CNTN1: variants seen among roughly 807,000 people sequenced by gnomAD.
CNTN1 encodes the protein contactin 1, also known as contactin-1.
A neutral mutation model predicts 126.4 loss-of-function variants in CNTN1; 38 were observed. The ratio of observed to expected loss-of-function variants is 0.30; its 90% confidence interval spans 0.23 to 0.39. The LOEUF is 0.39. Among genes scored for constraint, CNTN1 ranks in the 10% least tolerant of loss-of-function variants. The pLI is 1.00. For missense variants in CNTN1, 1,009 were observed against 1,248.4 expected, an observed-to-expected ratio of 0.81 and a Z score of 2.89; for synonymous variants, 413 against 422.6, an observed-to-expected ratio of 0.98 and a Z score of 0.28.
At chr12:40,782,723 C>T (rs537409491) in intron 1 of CNTN1, among the ~76,000 whole-genome samples, 19 of 151,940 alleles carry the variant, frequency 1.3e-4, no homozygotes, top group African/African-American at 4.1e-4. Flanking sequence ...ATAACTGATC[C>T]CCTGATTCCA....
At chr12:40,726,392 C>A (rs1942351624) in intron 1 of CNTN1, among the ~76,000 whole-genome samples, 1 of 152,166 alleles carries the variant, frequency 6.6e-6, no homozygotes, top group Admixed American at 6.6e-5. Context: ...TTCTGCATGG[C>A]TGGCAAGACC....
chr12:40,784,725 C>A (rs926470231), intron 1 of CNTN1, among the ~76,000 whole-genome samples: 2 of 152,100 alleles, frequency 1.3e-5, no homozygotes, highest in African/African-American at 4.8e-5. Context: ...ACAGGTTCAA[C>A]AGGGTCGTGT....
At chr12:41,035,922 A>G (rs141289414) in intron 23 of CNTN1, among the ~76,000 whole-genome samples, 38 of 152,290 alleles carry the variant, frequency 2.5e-4, no homozygotes, top group African/African-American at 8.4e-4. Context: ...TGTAAGTTCA[A>G]TAGAAAAATG....
intron 23 of CNTN1, among the ~76,000 whole-genome samples, chr12:41,063,134 G>A (rs1167175992): frequency 6.6e-6 from 1 of 152,178 alleles, no homozygotes; most frequent in African/African-American, 2.4e-5. Flanking sequence ...CCTTGACTGC[G>A]TCCCAGTGGT....
chr12:40,754,183 C>G (rs1938511957), intron 1 of CNTN1, among the ~76,000 whole-genome samples: 1 of 151,594 alleles, frequency 6.6e-6, no homozygotes, highest in Non-Finnish European at 1.5e-5. Context: ...CATAATAGTA[C>G]CTCATTTTTT....
chr12:40,793,949 C>T (rs1397177921), intron 1 of CNTN1, among the ~76,000 whole-genome samples: 4 of 102,026 alleles, frequency 3.9e-5, no homozygotes, highest in Non-Finnish European at 8.3e-5. Context: ...AATGTAAATA[C>T]TAGGGAAGTG....
chr12:40,928,267 C>G (rs1255408913), intron 6 of CNTN1, among the ~76,000 whole-genome samples: 2 of 151,966 alleles, frequency 1.3e-5, no homozygotes, highest in African/African-American at 4.8e-5. Flanking sequence ...CAGAAAAGAT[C>G]AAAGTCTTCT....
At chr12:41,000,202 T>C (rs1566116648) in intron 17 of CNTN1, among the ~76,000 whole-genome samples, 1 of 152,196 alleles carries the variant, frequency 6.6e-6, no homozygotes, top group Admixed American at 6.5e-5. Context: ...TTGCTTATAA[T>C]GAAAAACATT....
intron 1 of CNTN1, among the ~76,000 whole-genome samples, chr12:40,718,335 A>AT (rs543770928): frequency 1.8e-4 from 26 of 147,884 alleles, no homozygotes; most frequent in Admixed American, 2.7e-4. Flanking sequence ...TGCCCGGCTA[A>AT]TTTTTTTTTT....
At chr12:40,841,444 C>T (rs1213395913) in intron 1 of CNTN1, among the ~76,000 whole-genome samples, 1 of 152,020 alleles carries the variant, frequency 6.6e-6, no homozygotes, top group Non-Finnish European at 1.5e-5. Context: ...AGGCCAGCAT[C>T]AACCCGACAC....
intron 1 of CNTN1, among the ~76,000 whole-genome samples, chr12:40,699,150 AC>A (rs1310028542): frequency 6.6e-6 from 1 of 152,050 alleles, no homozygotes; most frequent in Admixed American, 6.6e-5. Flanking sequence ...TCTTGCCTCC[AC>A]CGTAAGTCCT....
At chr12:40,822,039 T>C (rs930160036) in intron 1 of CNTN1, among the ~76,000 whole-genome samples, 4 of 152,060 alleles carry the variant, frequency 2.6e-5, no homozygotes, top group Non-Finnish European at 5.9e-5. Flanking sequence ...TGTGAATTTC[T>C]TTCTGGTAAT....
At chr12:40,845,959 G>A (rs577249284) in intron 1 of CNTN1, among the ~76,000 whole-genome samples, 8 of 152,148 alleles carry the variant, frequency 5.3e-5, no homozygotes, top group Admixed American at 4.6e-4. Context: ...AATGATTACC[G>A]ACAGATTGAG....
At chr12:40,869,850 C>T (rs1437041990) in intron 1 of CNTN1, among the ~76,000 whole-genome samples, 2 of 152,082 alleles carry the variant, frequency 1.3e-5, no homozygotes, top group African/African-American at 4.8e-5. Flanking sequence ...ACTCTGAAGA[C>T]AATTATTATT....
intron 1 of CNTN1, among the ~76,000 whole-genome samples, chr12:40,823,866 CATT>C (rs1941527957): frequency 6.6e-6 from 1 of 152,110 alleles, no homozygotes; most frequent in South Asian, 2.1e-4. Flanking sequence ...ATTATTTTCT[CATT>C]ATCTCACCAT....
chr12:40,910,976 C>T (rs1379847157), intron 3 of CNTN1, among the ~76,000 whole-genome samples: 1 of 152,212 alleles, frequency 6.6e-6, no homozygotes, highest in African/African-American at 2.4e-5. Context: ...TTGATAAAGA[C>T]ATATCCCAGA....
chr12:40,728,585 G>A (rs1185281619), intron 1 of CNTN1, among the ~76,000 whole-genome samples: 4 of 152,176 alleles, frequency 2.6e-5, no homozygotes, highest in Admixed American at 1.3e-4. Flanking sequence ...GAAGGCAGAT[G>A]AGAAGTGGGA....
At position 41,044,371 on chromosome 12, in the gene CNTN1, A is replaced by G. The variant is rs560660221; in HGVS notation, c.2980+15152A>G. On this transcript the variant is annotated intron_variant, in intron 23 of 23. Transcript: ENST00000551295. ...GAGTTGTAAGAATTCTGGTGCAAAC[A>G]AAGTCAGTAAACACAGGTTTATCCT... is the stretch of plus-strand genomic sequence containing the variant. Among the ~76,000 whole-genome samples, 7 of 152,162 alleles carry G rather than the reference A, an allele frequency of 4.6e-5. No individual in the cohort carries two copies. In the East Asian group the frequency reaches 7.7e-4, roughly 17 times the overall value.
chr12:41,012,111 G>A (rs951902323), intron 17 of CNTN1, among the ~76,000 whole-genome samples: 1 of 152,112 alleles, frequency 6.6e-6, no homozygotes, highest in Non-Finnish European at 1.5e-5. Context: ...ATTCCACTAG[G>A]TGGTGCTGCT....
Sources: allele counts gnomAD v4.1 joint callset (sites outside exome capture counted in the v4.1 genomes callset), GRCh38; gene constraint gnomAD v4.1.1; transcripts MANE v1.5; gene names NCBI Gene and HGNC (gene_info 2026-07-23, HGNC 2026-07-21).